The following GRIN3A variants were observed in gnomAD, a reference collection of about 807,000 sequenced individuals.
The protein encoded by GRIN3A is glutamate ionotropic receptor NMDA type subunit 3A, also known as glutamate receptor ionotropic, NMDA 3A.
A neutral mutation model predicts 92.4 loss-of-function variants in GRIN3A; 47 were observed. The ratio of observed to expected loss-of-function variants is 0.51; its 90% CI spans 0.40 to 0.65. The LOEUF (loss-of-function observed/expected upper bound fraction) is 0.65. Ranked by LOEUF, GRIN3A falls within the 30% of genes least tolerant of loss-of-function variation. The probability of loss-of-function intolerance (pLI) is 0.00; values close to 1 mark genes in which losing one functional copy is unlikely to be tolerated. For missense variants in GRIN3A, 1,324 were observed against 1,393.1 expected, an observed-to-expected ratio of 0.95 and a Z score of 0.79; for synonymous variants, 527 against 540.6, an observed-to-expected ratio of 0.97 and a Z score of 0.35.
intron 1 of GRIN3A, 51 bp from the exon 2 acceptor site, chr9:101,687,251 T>C (rs556419174): frequency 6.3e-7 from 1 of 1,589,394 alleles, no homozygotes; most frequent in South Asian, 1.1e-5. Context: ...GGCCAAAGAC[T>C]TTAACATAGG....
intron 3 of GRIN3A, among the ~76,000 whole-genome samples, chr9:101,650,244 T>A (rs1422118304): frequency 6.6e-6 from 1 of 152,012 alleles, no homozygotes; most frequent in East Asian, 1.9e-4. Context: ...ACTATGTTAG[T>A]GGCTCCAACT....
chr9:101,701,465 T>C (rs1034511605), intron 1 of GRIN3A, among the ~76,000 whole-genome samples: 3 of 152,156 alleles, frequency 2.0e-5, no homozygotes, highest in Non-Finnish European at 4.4e-5. Flanking sequence ...AGACCATGCC[T>C]AGCCATTGCA....
At position 101,687,084 on chromosome 9, in the gene GRIN3A, T is replaced by G; in HGVS notation, c.816A>C (p.Glu272Asp). 6.2e-7 allele frequency: 1 copy of G among 1,614,138 alleles called. No homozygotes were observed. The highest frequency in any genetic ancestry group is 1.1e-5 in the South Asian group (1 of 91,074). ...GGAGGAAGTCGGTGATGTTCCAGTC[T>G]TCCTGGCACAGCAACAAGCTAAAAT... The part of the protein sequence containing the change: ...WYNFSLLLCQ[E>D]DWNITDFLLL... Residue 272 changes from glutamate (E) to aspartate (D), a missense_variant, in exon 2 of 9, where the codon GAA becomes GAC. By Grantham distance (45) the Glu-to-Asp change is conservative. Transcript: ENST00000361820.
chr9:101,585,888 GCAATGGGCTATGAGGCCTCA>G (rs1247155715), intron 6 of GRIN3A, among the ~76,000 whole-genome samples: 1 of 152,138 alleles, frequency 6.6e-6, no homozygotes, highest in Non-Finnish European at 1.5e-5. Flanking sequence ...CAGAGTCCTT[GCAATGGGCTATGAGGCCTCA>G]CAAGATCTAT....
At chr9:101,685,056 GA>G (rs1428996185) in intron 2 of GRIN3A, among the ~76,000 whole-genome samples, 3 of 152,138 alleles carry the variant, frequency 2.0e-5, no homozygotes, top group Non-Finnish European at 2.9e-5. Flanking sequence ...TATAATATGG[GA>G]AAAAGGGAAA....
At position 101,688,716 on chromosome 9, in the gene GRIN3A, C is replaced by T. The variant is rs149595746; in HGVS notation, c.700-1516G>A. Among the ~76,000 whole-genome samples the T allele has an allele frequency of 3.9e-3, 592 of 152,086 alleles. 1 individual carries two copies. Among genetic ancestry groups the T allele is most frequent in the Non-Finnish European group, 7.3e-3 (497 of 67,980 alleles). ...GCAGGATCACTTGAGGTCAGGATTT[C>T]GAGACCAGCCTGGCTGTTATGGTGA... On this transcript the variant is annotated intron_variant, in intron 1 of 8. Coordinates refer to ENST00000361820, the MANE Select transcript of GRIN3A (RefSeq NM_133445.3).
chr9:101,734,391 T>C (rs1313385113), intron 1 of GRIN3A, among the ~76,000 whole-genome samples: 1 of 152,252 alleles, frequency 6.6e-6, no homozygotes, highest in Non-Finnish European at 1.5e-5. Context: ...ATTCTTTTGA[T>C]GGAAAACTGC....
intron 2 of GRIN3A, among the ~76,000 whole-genome samples, chr9:101,671,524 T>C (rs538158640): frequency 2.0e-5 from 3 of 152,338 alleles, no homozygotes; most frequent in Admixed American, 6.5e-5. Flanking sequence ...CTACACCTTC[T>C]ATTTATCTAT....
At chr9:101,686,239 A>G (rs1400445097) in intron 2 of GRIN3A, among the ~76,000 whole-genome samples, 1 of 152,220 alleles carries the variant, frequency 6.6e-6, no homozygotes, top group Non-Finnish European at 1.5e-5. Context: ...TATAAATTTC[A>G]TGGTATCTTT....
At chr9:101,735,975 T>A (rs997615667) in intron 1 of GRIN3A, among the ~76,000 whole-genome samples, 16 of 152,244 alleles carry the variant, frequency 1.1e-4, no homozygotes. Context: ...ATGTAAGATT[T>A]ATTTTCTTCT....
intron 1 of GRIN3A, among the ~76,000 whole-genome samples, chr9:101,727,349 G>A (rs1424175248): frequency 3.3e-5 from 5 of 152,084 alleles, no homozygotes; most frequent in African/African-American, 1.2e-4. Context: ...TTTTGGTTGT[G>A]TATTTATAGG....
chr9:101,658,893 G>T (rs2118928980), intron 3 of GRIN3A, among the ~76,000 whole-genome samples: 1 of 151,904 alleles, frequency 6.6e-6, no homozygotes, highest in East Asian at 2.0e-4. Context: ...CCTGAACTCT[G>T]TTAAGATTCT....
At chr9:101,645,481 T>C (rs946625912) in intron 3 of GRIN3A, among the ~76,000 whole-genome samples, 2 of 151,874 alleles carry the variant, frequency 1.3e-5, no homozygotes, top group Non-Finnish European at 2.9e-5. Flanking sequence ...TTTGATATAC[T>C]GATTTCCTTT....
At chr9:101,584,412 G>A (rs1827925068) in intron 6 of GRIN3A, among the ~76,000 whole-genome samples, 1 of 152,134 alleles carries the variant, frequency 6.6e-6, no homozygotes, top group Non-Finnish European at 1.5e-5. Context: ...ATCTGATACT[G>A]TACTCTGCAT....
intron 5 of GRIN3A, among the ~76,000 whole-genome samples, chr9:101,618,831 A>G (rs890419669): frequency 6.6e-6 from 1 of 152,174 alleles, no homozygotes; most frequent in East Asian, 1.9e-4. Context: ...AAGAATTCTC[A>G]TTTTTAAATT....
intron 3 of GRIN3A, among the ~76,000 whole-genome samples, chr9:101,641,408 T>TA (rs1828860716): frequency 6.6e-6 from 1 of 152,174 alleles, no homozygotes; most frequent in African/African-American, 2.4e-5. Context: ...AACGATAGAT[T>TA]GGATTAAGAA....
intron 1 of GRIN3A, among the ~76,000 whole-genome samples, chr9:101,698,832 C>T (rs1022479136): frequency 1.3e-5 from 2 of 152,138 alleles, no homozygotes; most frequent in South Asian, 4.2e-4. Context: ...CCACGCCTGG[C>T]TAATTTCTTG....
chr9:101,606,227 G>A (rs1362795832), intron 6 of GRIN3A, among the ~76,000 whole-genome samples: 1 of 152,234 alleles, frequency 6.6e-6, no homozygotes, highest in Non-Finnish European at 1.5e-5. Context: ...ATGAGGGACA[G>A]TGCTGGACAT....
intron 3 of GRIN3A, among the ~76,000 whole-genome samples, chr9:101,666,120 A>G (rs1469920664): frequency 6.6e-6 from 1 of 151,778 alleles, no homozygotes; most frequent in Non-Finnish European, 1.5e-5. Context: ...ATACACCAAC[A>G]TCCTGGGACT....
Sources: gnomAD v4.1 joint callset for allele counts (sites outside exome capture counted in the v4.1 genomes callset) on GRCh38, gnomAD v4.1.1 for gene constraint, MANE v1.5 for transcripts, NCBI Gene and HGNC (gene_info 2026-07-23, HGNC 2026-07-21) for gene names.